Variants in GAN observed in about 807,000 individuals in gnomAD.
GAN encodes gigaxonin, also known as epididymis secretory sperm binding protein.
GAN carries 48 observed loss-of-function variants against 71.3 expected under a neutral mutation model. That is an observed-to-expected ratio of 0.67 (90% confidence interval 0.53 to 0.86). GAN has a LOEUF of 0.86. GAN is among the 40% of genes least tolerant of loss of function. The pLI is 0.00. For missense variants in GAN, 928 were observed against 770.1 expected (o/e 1.21, Z -2.43); for synonymous variants, 386 against 276.8 (o/e 1.39, Z -3.92).
At chr16:81,342,835 A>C (rs939154148) in intron 1 of GAN, among the ~76,000 whole-genome samples, 1 of 152,232 alleles carries the variant, frequency 6.6e-6, no homozygotes, top group Non-Finnish European at 1.5e-5. Flanking sequence ...CAATGAATCC[A>C]GGAACTGGTT....
chr16:81,330,033 C>G (rs895381768), intron 1 of GAN, among the ~76,000 whole-genome samples: 1 of 152,180 alleles, frequency 6.6e-6, no homozygotes, highest in African/African-American at 2.4e-5. Context: ...CTCGCTCACT[C>G]TCAGCATCTA....
rs765289351 is a variant in GAN, at chr16:81,377,645, A to G, written c.*49A>G. ...GATCCTGACCCAAGAGCACCATAAC[A>G]TAGCTCCGAAAGGGAGAGCAGAGAT... On this transcript the variant is annotated 3_prime_UTR_variant, in exon 11 of 11. Coordinates refer to ENST00000648994, the MANE Select transcript of GAN (RefSeq NM_022041.4). The G allele has an allele frequency of 4.6e-6, 7 of 1,520,120 alleles. No individual in the cohort carries two copies. Among genetic ancestry groups the G allele is most frequent in the Middle Eastern group, 1.9e-4 (1 of 5,176 alleles). 94.2% of individuals were successfully genotyped at this position (1,520,120 alleles called of 1,614,324 possible). A position where few individuals can be genotyped will look rare whatever the true frequency, so the allele number is the denominator to read the frequency against.
chr16:81,373,276 G>A (rs1445446436), intron 9 of GAN, among the ~76,000 whole-genome samples: 1 of 152,174 alleles, frequency 6.6e-6, no homozygotes, highest in African/African-American at 2.4e-5. Context: ...CTGGACCTTG[G>A]TAACTCTTAA....
rs1306816251 is a variant in GAN, at chr16:81,386,699, G to A, written c.*9103G>A. The A allele has an allele frequency of 6.6e-6, 1 of 152,186 alleles. No individual in the cohort carries two copies. Among genetic ancestry groups the A allele is most frequent in the East Asian group, 1.9e-4 (1 of 5,200 alleles). 9.4% of individuals were successfully genotyped at this position (152,186 alleles called of 1,614,324 possible). On this transcript the variant is annotated 3_prime_UTR_variant, in exon 11 of 11. Transcript: ENST00000648994. ...CGGTGGCTCACGCCTGTAATCCCAGGACTTTGGGAGGCCAAGGCGGGCAGA... is the reference window on the plus strand; with the variant it reads ...CGGTGGCTCACGCCTGTAATCCCAGAACTTTGGGAGGCCAAGGCGGGCAGA...
intron 5 of GAN, among the ~76,000 whole-genome samples, chr16:81,358,926 A>G (rs1480512323): frequency 6.6e-6 from 1 of 152,114 alleles, no homozygotes; most frequent in Admixed American, 6.5e-5. Flanking sequence ...TTGCCCAGCA[A>G]CATTATCTTT....
rs143100750 is a variant in GAN, at chr16:81,361,471, G to T, written c.974-1028G>T. Among the ~76,000 whole-genome samples the T allele has an allele frequency of 1.1e-3, 169 of 152,328 alleles. 1 individual carries two copies. The highest frequency in any genetic ancestry group is 3.9e-3 in the African/African-American group (161 of 41,584). ...ATTCTGGTTGGCCTTCATCCTGACA[G>T]TGTAGAACTTTGGAGAGGATCTCCT... On this transcript the variant is annotated intron_variant, in intron 5 of 10. Coordinates refer to ENST00000648994, the MANE Select transcript of GAN (RefSeq NM_022041.4).
Position 81,383,534 on chromosome 16 carries a change from G to A in GAN, c.*5938G>A, listed in dbSNP as rs1904323345. Reference sequence around the variant, plus strand: ...TCCCAAAGTGCTGGATTACAGGTGTGAGCCACCTCGCCTGCCCTCTTTTTT... The same window carrying A: ...TCCCAAAGTGCTGGATTACAGGTGTAAGCCACCTCGCCTGCCCTCTTTTTT... On this transcript the variant is annotated 3_prime_UTR_variant, in exon 11 of 11. Transcript: ENST00000648994. 2 of 150,804 alleles carry A rather than the reference G, an allele frequency of 1.3e-5. No homozygotes were observed. The allele number at this position is 150,804 out of a possible 1,614,324, so 9.3% of individuals were successfully genotyped here.
chr16:81,337,993 C>T (rs1413455726), intron 1 of GAN, among the ~76,000 whole-genome samples: 2 of 152,178 alleles, frequency 1.3e-5, no homozygotes, highest in Non-Finnish European at 2.9e-5. Context: ...TAGCTGGTTT[C>T]AGCAGCTCAG....
At chr16:81,349,878 T>C (rs1475629291) in intron 1 of GAN, among the ~76,000 whole-genome samples, 1 of 152,224 alleles carries the variant, frequency 6.6e-6, no homozygotes, top group Non-Finnish European at 1.5e-5. Flanking sequence ...TAACACAGTG[T>C]CAATCTTGAG....
At position 81,379,945 on chromosome 16, in the gene GAN, C is replaced by A. The variant is rs1482212971; in HGVS notation, c.*2349C>A. 1 of 151,756 alleles carries A rather than the reference C, an allele frequency of 6.6e-6. No individual in the cohort carries two copies. The highest frequency in any genetic ancestry group is 1.9e-4 in the East Asian group (1 of 5,146). 9.4% of individuals were successfully genotyped at this position (151,756 alleles called of 1,614,324 possible). On this transcript the variant is annotated 3_prime_UTR_variant, in exon 11 of 11. Transcript: ENST00000648994. ...TTTTTTTTTAATTTCAGTTCATTGA[C>A]TCTATAACTGCAGAAATTAGATAAT...
At chr16:81,361,509 G>A (rs1043371692) in intron 5 of GAN, among the ~76,000 whole-genome samples, 1 of 152,164 alleles carries the variant, frequency 6.6e-6, no homozygotes, top group African/African-American at 2.4e-5. Flanking sequence ...CAGAAGCCAC[G>A]TTTTCTGTGG....
In GAN at chr16:81,377,591, C is replaced by A; in HGVS notation, c.1789C>A (p.Pro597Thr). 2 of 1,613,908 alleles carry A rather than the reference C, an allele frequency of 1.2e-6. No individual in the cohort carries two copies. Among genetic ancestry groups the A allele is most frequent in the Non-Finnish European group, 1.7e-6 (2 of 1,179,832 alleles). ...QGLFRIRVHS[P>T] Reference sequence around the variant, plus strand: ...CTTATTCCGTATTCGTGTTCATTCCCCTTGAGGAGGAAGCAGAGCAGAGTG... The same window carrying A: ...CTTATTCCGTATTCGTGTTCATTCCACTTGAGGAGGAAGCAGAGCAGAGTG... The change falls in exon 11 of 11, where the codon CCT becomes ACT. Residue 597 changes from proline (P) to threonine (T), a missense_variant. By Grantham distance (38) the Pro-to-Thr change is conservative (BLOSUM62 -1). Coordinates refer to ENST00000648994, the MANE Select transcript of GAN (RefSeq NM_022041.4).
At chr16:81,343,210 A>G (rs376989269) in intron 1 of GAN, among the ~76,000 whole-genome samples, 17 of 152,220 alleles carry the variant, frequency 1.1e-4, no homozygotes, top group African/African-American at 4.1e-4. Flanking sequence ...AGCTGGTACC[A>G]TTCCTTCTGA....
intron 1 of GAN, among the ~76,000 whole-genome samples, chr16:81,344,843 A>C (rs1407014123): frequency 6.6e-6 from 1 of 152,228 alleles, no homozygotes; most frequent in African/African-American, 2.4e-5. Context: ...AAATTTTTGC[A>C]ATCTATGCAT....
chr16:81,377,368 G>A (rs1424740779), intron 10 of GAN, 40 bp downstream of exon 10: 1 of 1,594,290 alleles, frequency 6.3e-7, no homozygotes, highest in Admixed American at 1.7e-5. Context: ...CTGTTTCCTG[G>A]TGATTCTGGG....
intron 1 of GAN, among the ~76,000 whole-genome samples, chr16:81,327,135 G>T (rs1269639981): frequency 1.3e-5 from 2 of 152,244 alleles, no homozygotes; most frequent in Non-Finnish European, 2.9e-5. Context: ...AAAGCTGAGA[G>T]AAGAAGAGAC....
intron 9 of GAN, among the ~76,000 whole-genome samples, chr16:81,369,595 C>A (rs1289632343): frequency 2.6e-5 from 4 of 152,126 alleles, no homozygotes; most frequent in Non-Finnish European, 5.9e-5. Context: ...CATGGTAGAT[C>A]TTTTGCTTTT....
At position 81,315,176 on chromosome 16, in the gene GAN, C is replaced by T. The variant is rs756187093; in HGVS notation, c.63C>T (p.Ser21=). The T allele has an allele frequency of 3.2e-5, 51 of 1,569,532 alleles. No homozygotes were observed. Among genetic ancestry groups the T allele is most frequent in the Non-Finnish European group, 4.2e-5 (49 of 1,160,336 alleles). ...CCGCGCGTCTGCTGCGAGCGCTCAG[C>T]TCTTTCCGCGAGGAGTCTCGCTTCT... ...QHAARLLRAL[S]SFREESRFCD... is the part of the protein sequence containing the mutation. The change falls in exon 1 of 11, where the codon AGC becomes AGT. Residue 21 remains serine (S), a synonymous_variant. Coordinates refer to ENST00000648994, the MANE Select transcript of GAN (RefSeq NM_022041.4).
At chr16:81,354,379 A>G in intron 2 of GAN, 26 bp from the exon 3 acceptor site, 1 of 1,437,368 alleles carries the variant, frequency 7.0e-7, no homozygotes, top group Non-Finnish European at 9.8e-7. Flanking sequence ...ACATTCAAAT[A>G]TAAGATAATT....
Sources: gnomAD v4.1 joint callset for allele counts (sites outside exome capture counted in the v4.1 genomes callset) on GRCh38, gnomAD v4.1.1 for gene constraint, MANE v1.5 for transcripts, NCBI Gene and HGNC (gene_info 2026-07-23, HGNC 2026-07-21) for gene names.